Variants in PPP1R14C observed in about 807,000 individuals in gnomAD.
The protein encoded by PPP1R14C is protein phosphatase 1 regulatory subunit 14C.
In PPP1R14C, 16 loss-of-function variants were observed where a neutral mutation model predicts 20.4. The observed-to-expected ratio is 0.78, with a 90% CI of 0.53 to 1.19. The LOEUF is 1.19. Ranked by LOEUF, PPP1R14C falls within the 50% of genes most tolerant of loss-of-function variation. PPP1R14C has a pLI of 0.00. For synonymous variants in PPP1R14C, 91 were observed against 91.0 expected (o/e 1.00, Z 0.00); for missense variants, 211 against 220.1 (o/e 0.96, Z 0.26).
intron 1 of PPP1R14C, among the ~76,000 whole-genome samples, chr6:150,149,748 C>A (rs1354764409): frequency 6.6e-6 from 1 of 152,080 alleles, no homozygotes; most frequent in Non-Finnish European, 1.5e-5. Flanking sequence ...TGGTTATTCT[C>A]TATGATGGAG....
intron 3 of PPP1R14C, among the ~76,000 whole-genome samples, chr6:150,240,090 A>C (rs9371852): frequency 0.038 from 5,860 of 152,216 alleles, 137 homozygotes; most frequent in East Asian, 0.1. Context: ...CCAATAAAGA[A>C]AATCAGTGAA....
At chr6:150,174,199 C>T (rs1777531847) in intron 1 of PPP1R14C, among the ~76,000 whole-genome samples, 2 of 152,142 alleles carry the variant, frequency 1.3e-5, no homozygotes, top group Non-Finnish European at 2.9e-5. Context: ...TACTAACTTA[C>T]CCATACTTCT....
chr6:150,211,882 G>A (rs1210229655), intron 1 of PPP1R14C, among the ~76,000 whole-genome samples: 3 of 152,196 alleles, frequency 2.0e-5, no homozygotes, highest in African/African-American at 7.2e-5. Flanking sequence ...AAGCAGCATA[G>A]GTTGGTAAAA....
rs139708568 is a variant in PPP1R14C, at chr6:150,184,165, G to A, written c.307-30579G>A. 2.9e-3 allele frequency among the ~76,000 whole-genome samples: 435 copies of A among 152,312 alleles called. 1 individual carries two copies. Among genetic ancestry groups the A allele is most frequent in the African/African-American group, 9.8e-3 (408 of 41,564 alleles). On this transcript the variant is annotated intron_variant, in intron 1 of 3. Transcript: ENST00000361131. ...GGTGTAGTCACACATCCAAGTGCGCGTGGAGAACGAGTATCCCAGGTAGGA... is the reference window on the plus strand; with the variant it reads ...GGTGTAGTCACACATCCAAGTGCGCATGGAGAACGAGTATCCCAGGTAGGA...
chr6:150,190,848 G>A (rs1777733699), intron 1 of PPP1R14C, among the ~76,000 whole-genome samples: 1 of 152,030 alleles, frequency 6.6e-6, no homozygotes, highest in South Asian at 2.1e-4. Context: ...TATTACTTTT[G>A]CAGCCCCTAC....
At chr6:150,211,492 C>T (rs1562270799) in intron 1 of PPP1R14C, among the ~76,000 whole-genome samples, 2 of 152,176 alleles carry the variant, frequency 1.3e-5, no homozygotes, top group African/African-American at 2.4e-5. Context: ...CACAACTAAG[C>T]TCTGGGACGT....
chr6:150,210,238 T>A (rs1234874828), intron 1 of PPP1R14C, among the ~76,000 whole-genome samples: 1 of 152,146 alleles, frequency 6.6e-6, no homozygotes, highest in East Asian at 1.9e-4. Context: ...ACACTGTGTG[T>A]TGGTTTGTGA....
At chr6:150,171,314 G>C (rs1368539518) in intron 1 of PPP1R14C, among the ~76,000 whole-genome samples, 1 of 152,204 alleles carries the variant, frequency 6.6e-6, no homozygotes, top group Non-Finnish European at 1.5e-5. Context: ...GTACAAGCCA[G>C]CTCCATTCAG....
chr6:150,169,781 A>G (rs9397708), intron 1 of PPP1R14C, among the ~76,000 whole-genome samples: 9,108 of 152,272 alleles, frequency 0.06, 395 homozygotes, highest in East Asian at 0.2. Context: ...AATGACTATC[A>G]TTTATTTTGC....
chr6:150,248,588 G>A (rs551420897), intron 3 of PPP1R14C, among the ~76,000 whole-genome samples, 158 bp from the exon 4 acceptor site: 28 of 152,292 alleles, frequency 1.8e-4, no homozygotes, highest in African/African-American at 6.7e-4. Context: ...TTCTTGATTT[G>A]TTTTTAAAAA....
At chr6:150,226,340 G>C (rs534959691) in intron 3 of PPP1R14C, among the ~76,000 whole-genome samples, 1 of 152,296 alleles carries the variant, frequency 6.6e-6, no homozygotes, top group East Asian at 1.9e-4. Context: ...TATAATGCAA[G>C]AGGCAAAAGT....
At chr6:150,156,599 A>G (rs9384191) in intron 1 of PPP1R14C, among the ~76,000 whole-genome samples, 10,731 of 152,266 alleles carry the variant, frequency 0.07, 524 homozygotes, top group East Asian at 0.28. Flanking sequence ...CTTATGAGCT[A>G]ATACTCTACA....
chr6:150,200,879 C>T (rs1435192791), intron 1 of PPP1R14C, among the ~76,000 whole-genome samples: 20 of 152,160 alleles, frequency 1.3e-4, no homozygotes, highest in Admixed American at 1.2e-3. Context: ...TCCTGGGCTC[C>T]AGCTGGCTGT....
chr6:150,212,189 C>T (rs1304847935), intron 1 of PPP1R14C, among the ~76,000 whole-genome samples: 2 of 152,242 alleles, frequency 1.3e-5, no homozygotes, highest in Non-Finnish European at 2.9e-5. Flanking sequence ...AATGCAAGTG[C>T]TCTCCATCTG....
chr6:150,244,808 A>C (rs984748101), intron 3 of PPP1R14C, among the ~76,000 whole-genome samples: 2 of 152,174 alleles, frequency 1.3e-5, no homozygotes, highest in Non-Finnish European at 2.9e-5. Flanking sequence ...ATTTTTTCAG[A>C]ATAAAATAAA....
intron 1 of PPP1R14C, among the ~76,000 whole-genome samples, chr6:150,187,506 T>A (rs1010440324): frequency 6.6e-6 from 1 of 152,136 alleles, no homozygotes; most frequent in Non-Finnish European, 1.5e-5. Context: ...TGTGTCCATG[T>A]GTTCTCATCT....
chr6:150,164,583 G>T, intron 1 of PPP1R14C: 1 of 178,690 alleles, frequency 5.6e-6, no homozygotes, highest in Non-Finnish European at 1.2e-5. Context: ...TACGATTCAT[G>T]ATCCTTTTGT....
intron 1 of PPP1R14C, among the ~76,000 whole-genome samples, chr6:150,210,617 G>C (rs982630540): frequency 8.5e-5 from 13 of 152,164 alleles, no homozygotes; most frequent in Admixed American, 1.3e-4. Context: ...GCAGCCTATG[G>C]GCCAATGGGT....
At chr6:150,180,850 A>G (rs577197307) in intron 1 of PPP1R14C, among the ~76,000 whole-genome samples, 12 of 152,216 alleles carry the variant, frequency 7.9e-5, no homozygotes, top group Non-Finnish European at 1.6e-4. Context: ...GGACTACATC[A>G]GCAGGTCTGA....
Sources: gnomAD v4.1 joint callset for allele counts (sites outside exome capture counted in the v4.1 genomes callset) on GRCh38, gnomAD v4.1.1 for gene constraint, MANE v1.5 for transcripts, NCBI Gene and HGNC (gene_info 2026-07-23, HGNC 2026-07-21) for gene names.